The following PLCH1 variants were observed in gnomAD, a reference collection of about 807,000 sequenced individuals.
PLCH1 encodes the protein 1-phosphatidylinositol 4,5-bisphosphate phosphodiesterase eta-1.
PLCH1 carries 60 observed loss-of-function variants against 126.7 expected under a neutral mutation model. The ratio of observed to expected loss-of-function variants is 0.47; its 90% CI spans 0.38 to 0.59. PLCH1 has a LOEUF of 0.59. Among genes scored for constraint, PLCH1 ranks in the 20% least tolerant of loss-of-function variants. The pLI, the probability that PLCH1 is intolerant of heterozygous loss-of-function variation, is 0.00. For missense variants in PLCH1, 1,723 were observed against 2,040.0 expected (o/e 0.84, Z 2.99); for synonymous variants, 719 against 734.9 (o/e 0.98, Z 0.35).
intron 8 of PLCH1, among the ~76,000 whole-genome samples, chr3:155,556,457 A>G (rs888216221): frequency 6.6e-6 from 1 of 152,176 alleles, no homozygotes; most frequent in Non-Finnish European, 1.5e-5. Flanking sequence ...TTTGTGTATT[A>G]CCCCAGGAGA....
chr3:155,561,446 C>T (rs1364399913), intron 8 of PLCH1, among the ~76,000 whole-genome samples: 1 of 151,746 alleles, frequency 6.6e-6, no homozygotes, highest in South Asian at 2.1e-4. Context: ...ATCCATGTCC[C>T]TACAAAGGAC....
At chr3:155,489,591 C>T (rs1715858552) in intron 19 of PLCH1, among the ~76,000 whole-genome samples, 1 of 152,142 alleles carries the variant, frequency 6.6e-6, no homozygotes, top group Non-Finnish European at 1.5e-5. Context: ...CCAGTAGCTT[C>T]TCACGAAGCA....
intron 2 of PLCH1, among the ~76,000 whole-genome samples, chr3:155,671,540 T>C (rs1177135649): frequency 6.6e-6 from 1 of 152,214 alleles, no homozygotes; most frequent in Non-Finnish European, 1.5e-5. Flanking sequence ...GGAGGAGTGA[T>C]TCTGAGTATA....
chr3:155,476,203 A>G (rs952968710), downstream of PLCH1, among the ~76,000 whole-genome samples: 4 of 152,158 alleles, frequency 2.6e-5, no homozygotes, highest in African/African-American at 9.6e-5. Context: ...AGAATAAAAA[A>G]CATATGATAA....
intron 6 of PLCH1, among the ~76,000 whole-genome samples, chr3:155,578,399 A>G (rs1730244454): frequency 6.6e-6 from 1 of 152,238 alleles, no homozygotes; most frequent in African/African-American, 2.4e-5. Flanking sequence ...GTTATTTCTA[A>G]AACATATGTG....
At chr3:155,603,003 C>A (rs933194255) in intron 2 of PLCH1, among the ~76,000 whole-genome samples, 11 of 151,266 alleles carry the variant, frequency 7.3e-5, no homozygotes, top group South Asian at 2.1e-4. Flanking sequence ...TACAAAAGAA[C>A]CTTGAGACAG....
chr3:155,712,633 G>A (rs771445701), intron 1 of PLCH1, among the ~76,000 whole-genome samples: 11 of 152,076 alleles, frequency 7.2e-5, no homozygotes, highest in African/African-American at 1.4e-4. Context: ...CCAGCTCCTC[G>A]GGAGGCTGAG....
chr3:155,558,665 C>G (rs552842959), intron 8 of PLCH1, among the ~76,000 whole-genome samples: 11 of 152,262 alleles, frequency 7.2e-5, no homozygotes, highest in Non-Finnish European at 1.3e-4. Flanking sequence ...GAAGAAGGGA[C>G]AGAGTAGGAC....
chr3:155,546,886 AT>A (rs1725367421), intron 10 of PLCH1, among the ~76,000 whole-genome samples: 1 of 139,622 alleles, frequency 7.2e-6, no homozygotes, highest in African/African-American at 2.6e-5. Context: ...ACAAAAATCA[AT>A]TCAAGATGGA....
intron 1 of PLCH1, among the ~76,000 whole-genome samples, chr3:155,728,211 G>A (rs1748489158): frequency 6.6e-6 from 1 of 152,120 alleles, no homozygotes; most frequent in South Asian, 2.1e-4. Flanking sequence ...GGGCGAGGGT[G>A]TGTTGCTAAG....
At chr3:155,605,318 A>T (rs547964987) in intron 2 of PLCH1, among the ~76,000 whole-genome samples, 1 of 152,274 alleles carries the variant, frequency 6.6e-6, no homozygotes, top group East Asian at 1.9e-4. Context: ...CTGAGAGTAA[A>T]TTCTTGGGGA....
chr3:155,698,743 T>C, intron 2 of PLCH1, among the ~76,000 whole-genome samples: 1 of 152,062 alleles, frequency 6.6e-6, no homozygotes, highest in Non-Finnish European at 1.5e-5. Flanking sequence ...CACACCTGGG[T>C]CAGGCCATGC....
chr3:155,583,581 T>A lies in PLCH1; in HGVS notation c.662A>T (p.Lys221Ile). ...LTFEEFCVFY[K>I]MMSLRRDLYL... ...AAGGTCTCGTCTCAAAGACATCATT[T>A]TGTAAAAAACACAGAACTCTTCAAA... The change falls in exon 6 of 23, where the codon AAA becomes ATA. Residue 221 changes from lysine to isoleucine, a missense_variant. By Grantham distance (102) the Lys-to-Ile change is moderately radical. Around this residue, in one of 2 missense-constraint regions of PLCH1, gnomAD observed 776 missense variants for 1,062.9 expected, o/e 0.73. Coordinates refer to ENST00000460012, the MANE Select transcript of PLCH1 (RefSeq NM_014996.4). The A allele has an allele frequency of 6.2e-7, 1 of 1,603,574 alleles. No individual in the cohort carries two copies. Among genetic ancestry groups the A allele is most frequent in the Non-Finnish European group, 8.5e-7 (1 of 1,177,156 alleles).
chr3:155,537,202 C>CAAAAAAAAAAAAAAAAAAAAAAAAA (rs535908017), intron 10 of PLCH1, among the ~76,000 whole-genome samples: 11 of 10,434 alleles, frequency 1.1e-3, no homozygotes, highest in Admixed American at 2.9e-3. Flanking sequence ...AAAAAAAAAC[C>CAAAAAAAAAAAAAAAAAAAAAAAAA]AAAAAAAAAA....
At chr3:155,535,987 C>T (rs1723301876) in intron 10 of PLCH1, among the ~76,000 whole-genome samples, 1 of 152,188 alleles carries the variant, frequency 6.6e-6, no homozygotes. Flanking sequence ...GAAGACAGAT[C>T]ACTTAACAGG....
At chr3:155,545,610 C>T in intron 10 of PLCH1, among the ~76,000 whole-genome samples, 1 of 152,234 alleles carries the variant, frequency 6.6e-6, no homozygotes, top group Middle Eastern at 3.2e-3. Context: ...GACCAATATC[C>T]TTGATGAACA....
chr3:155,542,257 C>G (rs1389568770), intron 10 of PLCH1, among the ~76,000 whole-genome samples: 1 of 152,238 alleles, frequency 6.6e-6, no homozygotes, highest in Admixed American at 6.5e-5. Flanking sequence ...TCGGAGGGTC[C>G]TACGCCCATG....
chr3:155,559,253 TAAG>T (rs1727253786), intron 8 of PLCH1, among the ~76,000 whole-genome samples: 1 of 152,094 alleles, frequency 6.6e-6, no homozygotes, highest in African/African-American at 2.4e-5. Context: ...TTGAATCTCT[TAAG>T]AAGAGATTAT....
At position 155,458,499 on chromosome 3, in the gene PLCH1, AGAAAGAAG is replaced by A. The variant is rs1400802231; in HGVS notation, c.2938+26849_2938+26856del. Among the ~76,000 whole-genome samples, 7 of 60,498 alleles carry A rather than the reference AGAAAGAAG, an allele frequency of 1.2e-4. No individual in the cohort carries two copies. The East Asian group carries it at 2.3e-3, about 20-fold the overall frequency. 39.7% of individuals were successfully genotyped at this position (60,498 alleles called of 152,430 possible). On this transcript the variant is annotated intron_variant, in intron 21 of 21. Transcript: ENST00000494598. ...GAAAGAAAGAAAGAAAGAAAGAAAG[AGAAAGAAG>A]AGAGAGAAATAAGAAAGAGAAAGAA... is the stretch of plus-strand genomic sequence containing the variant.
Sources: allele counts gnomAD v4.1 joint callset (sites outside exome capture counted in the v4.1 genomes callset), GRCh38; gene constraint gnomAD v4.1.1; regional missense constraint gnomAD v4.1.1; transcripts MANE v1.5; gene names NCBI Gene and HGNC (gene_info 2026-07-23, HGNC 2026-07-21).